The following ASIC5 variants were observed in gnomAD, a reference collection of about 807,000 sequenced individuals.
The protein encoded by ASIC5 is bile acid-sensitive ion channel.
A neutral mutation model predicts 51.2 loss-of-function variants in ASIC5; 52 were observed. The observed-to-expected ratio is 1.02, with a 90% confidence interval of 0.81 to 1.28. The LOEUF is 1.28. Among genes scored for constraint, ASIC5 ranks in the 50% most tolerant of loss-of-function variants. The pLI is 0.00. For missense variants in ASIC5, 635 were observed against 595.0 expected (o/e 1.07, Z -0.70); for synonymous variants, 231 against 200.7 (o/e 1.15, Z -1.28).
Position 155,866,206 on chromosome 4 carries a change from T to G in ASIC5, c.21A>C (p.Ser7=). Residue 7 remains serine, a synonymous_variant, in exon 1 of 10, where the codon TCA becomes TCC. Transcript: ENST00000537611. MEQTEK[S]KVYAENGLLE... ...ACTCACCGTTCTCAGCATATACTTTTGATTTTTCTGTCTGCTCCATTTGTG... is the reference window on the plus strand; with the variant it reads ...ACTCACCGTTCTCAGCATATACTTTGGATTTTTCTGTCTGCTCCATTTGTG... The G allele has an allele frequency of 6.2e-7, 1 of 1,609,058 alleles. No individual in the cohort carries two copies. The highest frequency in any genetic ancestry group is 8.5e-7 in the Non-Finnish European group (1 of 1,176,170).
chr4:155,850,564 A>G (rs1182016695), intron 4 of ASIC5, among the ~76,000 whole-genome samples: 2 of 152,018 alleles, frequency 1.3e-5, no homozygotes, highest in Non-Finnish European at 2.9e-5. Context: ...TAAGACCTCT[A>G]TAGTTTTCCA....
chr4:155,856,447 T>C (rs967786189), intron 2 of ASIC5, among the ~76,000 whole-genome samples: 1 of 152,050 alleles, frequency 6.6e-6, no homozygotes, highest in Non-Finnish European at 1.5e-5. Flanking sequence ...GAAAAACTGT[T>C]TTCACAGTCA....
chr4:155,845,155 G>A (rs1415173445), intron 4 of ASIC5, among the ~76,000 whole-genome samples: 1 of 152,010 alleles, frequency 6.6e-6, no homozygotes, highest in Admixed American at 6.6e-5. Context: ...ACATAACAAA[G>A]CCACCTTTTT....
intron 9 of ASIC5, 33 bp from the exon 10 acceptor site, chr4:155,830,079 TA>T (rs1230588461): frequency 1.4e-6 from 2 of 1,402,448 alleles, no homozygotes; most frequent in African/African-American, 3.0e-5. Flanking sequence ...TGAATGTCAT[TA>T]TTTTTCATAA....
chr4:155,848,334 A>G (rs1424724326), intron 4 of ASIC5, among the ~76,000 whole-genome samples: 2 of 152,084 alleles, frequency 1.3e-5, no homozygotes, highest in African/African-American at 4.8e-5. Context: ...TTAAGATATT[A>G]GTTTCCCTAA....
At chr4:155,839,415 G>T (rs974014694) in intron 6 of ASIC5, among the ~76,000 whole-genome samples, 5 of 151,636 alleles carry the variant, frequency 3.3e-5, no homozygotes, top group African/African-American at 1.2e-4. Context: ...CCAGAAGTAG[G>T]ATGGGGAGGG....
At chr4:155,864,815 G>A (rs1483331042) in intron 1 of ASIC5, 1 of 152,044 alleles carries the variant, frequency 6.6e-6, no homozygotes, top group East Asian at 1.9e-4. Flanking sequence ...TGGTGATGTG[G>A]TAAATAGTAA....
chr4:155,865,875 G>T (rs1741849900), intron 1 of ASIC5, among the ~76,000 whole-genome samples: 1 of 151,980 alleles, frequency 6.6e-6, no homozygotes, highest in South Asian at 2.1e-4. Context: ...CATCAAATCA[G>T]CTTTGTTACA....
intron 7 of ASIC5, among the ~76,000 whole-genome samples, chr4:155,837,770 C>G (rs1401410284): frequency 6.6e-6 from 1 of 151,966 alleles, no homozygotes; most frequent in African/African-American, 2.4e-5. Context: ...CCCATACACA[C>G]ATAGGCTCAC....
chr4:155,866,102 T>G (rs1452939389), intron 1 of ASIC5, 85 bp downstream of exon 1: 2 of 819,680 alleles, frequency 2.4e-6, no homozygotes, highest in Non-Finnish European at 3.9e-6. Context: ...ATTTCCCAAA[T>G]GAAGAAAAAA....
At chr4:155,846,981 A>T (rs1331615784) in intron 4 of ASIC5, among the ~76,000 whole-genome samples, 1 of 152,096 alleles carries the variant, frequency 6.6e-6, no homozygotes, top group African/African-American at 2.4e-5. Context: ...AAAGAAAGCT[A>T]TAAAAATAAG....
At position 155,835,705 on chromosome 4, in the gene ASIC5, G is replaced by A. The variant is rs78782498; in HGVS notation, c.1235+984C>T. 3.9e-3 allele frequency among the ~76,000 whole-genome samples: 598 copies of A among 152,208 alleles called. 4 individuals carry two copies. The highest frequency in any genetic ancestry group is 0.014 in the African/African-American group (570 of 41,538). On this transcript the variant is annotated intron_variant, in intron 8 of 9. Coordinates refer to ENST00000537611, the MANE Select transcript of ASIC5 (RefSeq NM_017419.3). ...GTCGGAAGTGTAAACAAACATAATT[G>A]TAAATTTTACAGCCTGTTTATCACT...
At chr4:155,853,219 T>C (rs149627761) in intron 3 of ASIC5, among the ~76,000 whole-genome samples, 1 of 152,046 alleles carries the variant, frequency 6.6e-6, no homozygotes, top group Non-Finnish European at 1.5e-5. Context: ...AAGCTTACTT[T>C]CCAAGTTAAG....
chr4:155,866,097 C>T, intron 1 of ASIC5, 90 bp downstream of exon 1: 13 of 754,244 alleles, frequency 1.7e-5, no homozygotes, highest in South Asian at 4.4e-5. Context: ...ATCAAATTTC[C>T]CAAATGAAGA....
intron 4 of ASIC5, among the ~76,000 whole-genome samples, chr4:155,850,641 C>T (rs1741359632): frequency 6.6e-6 from 1 of 151,978 alleles, no homozygotes; most frequent in African/African-American, 2.4e-5. Context: ...ATCTTGTTCC[C>T]TCTGGCCTTC....
intron 2 of ASIC5, among the ~76,000 whole-genome samples, chr4:155,859,633 AC>A (rs1560753007): frequency 6.6e-6 from 1 of 152,066 alleles, no homozygotes; most frequent in African/African-American, 2.4e-5. Context: ...GTTAAGCTTT[AC>A]TTTTTTTTCA....
Position 155,863,750 on chromosome 4 carries a change from GA to G in ASIC5, c.44del (p.Leu15ProfsTer2). 1.2e-6 allele frequency: 2 copies of G among 1,610,864 alleles called. No homozygotes were observed. Among genetic ancestry groups the G allele is most frequent in the Non-Finnish European group, 1.7e-6 (2 of 1,178,880 alleles). ...EKSKVYAENG[L>X]LEKIKLCLSK... ...AAAGGCAAAGCTTTATCTTTTCTAAGAGTCCTTAAGGTTTTGCCCATAAAAT... is the reference window on the plus strand; with the variant it reads ...AAAGGCAAAGCTTTATCTTTTCTAAGGTCCTTAAGGTTTTGCCCATAAAAT... On this transcript the variant is annotated frameshift_variant, in exon 2 of 10. Coordinates refer to ENST00000537611, the MANE Select transcript of ASIC5 (RefSeq NM_017419.3). LOFTEE classifies it high-confidence loss of function.
At chr4:155,866,052 T>G (rs1741854310) in intron 1 of ASIC5, 135 bp downstream of exon 1, 3 of 485,026 alleles carry the variant, frequency 6.2e-6, no homozygotes, top group Non-Finnish European at 7.2e-6. Flanking sequence ...TTTTAAAACT[T>G]ATATTACTTA....
intron 3 of ASIC5, among the ~76,000 whole-genome samples, chr4:155,852,899 T>TATCA (rs1560748952): frequency 6.6e-6 from 1 of 151,910 alleles, no homozygotes; most frequent in African/African-American, 2.4e-5. Flanking sequence ...ACTCTGATAA[T>TATCA]GAGTCTAGGG....
Sources: gnomAD v4.1 joint callset for allele counts (sites outside exome capture counted in the v4.1 genomes callset) on GRCh38, gnomAD v4.1.1 for gene constraint, MANE v1.5 for transcripts, NCBI Gene and HGNC (gene_info 2026-07-23, HGNC 2026-07-21) for gene names.